EYS: variants seen among roughly 807,000 people sequenced by gnomAD.
EYS encodes protein eyes shut homolog.
Under a neutral mutation model 282.1 loss-of-function variants are expected in EYS, and 250 were observed. That is an observed-to-expected ratio of 0.89 (90% confidence interval 0.80 to 0.98). The LOEUF (loss-of-function observed/expected upper bound fraction) is 0.98. Among genes scored for constraint, EYS ranks in the 50% least tolerant of loss-of-function variants. The pLI, the probability that EYS is intolerant of heterozygous loss-of-function variation, is 0.00. For synonymous variants in EYS, 1,355 were observed against 1,282.9 expected (o/e 1.06, Z -1.20); for missense variants, 4,016 against 3,709.0 (o/e 1.08, Z -2.15).
At chr6:63,919,894 CAT>C (rs780904553) in intron 35 of EYS, among the ~76,000 whole-genome samples, 5 of 152,238 alleles carry the variant, frequency 3.3e-5, no homozygotes, top group South Asian at 4.1e-4. Flanking sequence ...TCCCATGAAA[CAT>C]GTGGTTAATT....
chr6:64,525,404 T>A (rs1777884427), intron 26 of EYS, among the ~76,000 whole-genome samples: 1 of 151,736 alleles, frequency 6.6e-6, no homozygotes, highest in African/African-American at 2.4e-5. Flanking sequence ...CCATTATCCT[T>A]AGCAAACTAA....
chr6:64,606,634 T>C (rs1766946368), intron 24 of EYS, among the ~76,000 whole-genome samples: 1 of 152,082 alleles, frequency 6.6e-6, no homozygotes, highest in Non-Finnish European at 1.5e-5. Flanking sequence ...TTCTGAACAC[T>C]TTCAAGCCTC....
chr6:63,825,059 T>G (rs319916), intron 36 of EYS, among the ~76,000 whole-genome samples: 78,156 of 151,942 alleles, frequency 0.51, 22,063 homozygotes, highest in African/African-American at 0.75. Context: ...GGGCTGTTGT[T>G]GGGGGCATGG....
At chr6:64,757,938 A>G (rs1583122313) in intron 22 of EYS, among the ~76,000 whole-genome samples, 1 of 151,300 alleles carries the variant, frequency 6.6e-6, no homozygotes, top group South Asian at 2.1e-4. Context: ...GCGCCCGCCT[A>G]AGTTTTTTTG....
intron 26 of EYS, among the ~76,000 whole-genome samples, chr6:64,506,085 G>A (rs1777199742): frequency 6.6e-6 from 1 of 152,052 alleles, no homozygotes; most frequent in African/African-American, 2.4e-5. Context: ...CTGTTAGACA[G>A]AAATTATTCT....
In EYS at chr6:65,330,825, A is replaced by G. The variant is rs1769769555; in HGVS notation, c.1766+4155T>C. The stretch of plus-strand genomic sequence containing the variant: ...TTTTACCTTAAACTTTTAGATCCCT[A>G]TACACATTTAGAGTCTACTTCTATA... On this transcript the variant is annotated intron_variant, in intron 11 of 42. Coordinates refer to ENST00000503581, the MANE Select transcript of EYS (RefSeq NM_001142800.2). 9.5e-6 allele frequency: 9 copies of G among 942,856 alleles called. No homozygotes were observed. The South Asian group carries it at 2.5e-4, about 26-fold the overall frequency. 58.4% of individuals were successfully genotyped at this position (942,856 alleles called of 1,614,324 possible).
chr6:65,440,173 A>C (rs1768257252), intron 5 of EYS, among the ~76,000 whole-genome samples: 1 of 152,118 alleles, frequency 6.6e-6, no homozygotes, highest in South Asian at 2.1e-4. Context: ...TTAAAGTTGC[A>C]GTGGCTTTTT....
intron 36 of EYS, among the ~76,000 whole-genome samples, chr6:63,809,203 T>C (rs1770979054): frequency 6.6e-6 from 1 of 152,228 alleles, no homozygotes; most frequent in South Asian, 2.1e-4. Context: ...GCACCCACAC[T>C]GTCTCTATAA....
rs1771982454 is a variant in EYS at position 64,081,867 on chromosome 6, G to C, written c.6560C>G (p.Thr2187Ser). Residue 2187 changes from threonine (T) to serine (S), a missense_variant, in exon 32 of 43, where the codon ACT becomes AGT. By Grantham distance (58) the Thr-to-Ser change is moderately conservative. Coordinates refer to ENST00000503581, the MANE Select transcript of EYS (RefSeq NM_001142800.2). ...LTIKTNSLNG[T>S]ILYSNGNNCG... Reference sequence around the variant, plus strand: ...CATTTAATACTCACTGTAAAGAATAGTTCCATTTAAACTGTTTGTTTTTAT... The same window carrying C: ...CATTTAATACTCACTGTAAAGAATACTTCCATTTAAACTGTTTGTTTTTAT... The C allele has an allele frequency of 6.5e-7, 1 of 1,531,428 alleles. No homozygotes were observed. The highest frequency in any genetic ancestry group is 1.4e-5 in the African/African-American group (1 of 72,578). The allele number at this position is 1,531,428 out of a possible 1,614,324, so 94.9% of individuals were successfully genotyped here. A position where few individuals can be genotyped will look rare whatever the true frequency, so the allele number is the denominator to read the frequency against.
At chr6:64,554,301 A>G (rs992639516) in intron 26 of EYS, among the ~76,000 whole-genome samples, 2 of 152,124 alleles carry the variant, frequency 1.3e-5, no homozygotes, top group Non-Finnish European at 2.9e-5. Context: ...ACTAAAATGT[A>G]TAAAGTGGAA....
chr6:64,774,675 G>A (rs1355602527), intron 22 of EYS, among the ~76,000 whole-genome samples: 2 of 151,884 alleles, frequency 1.3e-5, no homozygotes, highest in Non-Finnish European at 2.9e-5. Context: ...ACATGTGCCT[G>A]CTGCTTAAGT....
intron 12 of EYS, among the ~76,000 whole-genome samples, chr6:65,214,027 C>T (rs1269293464): frequency 1.3e-5 from 2 of 151,454 alleles, no homozygotes; most frequent in East Asian, 2.0e-4. Context: ...GGCATGGTGG[C>T]GGGTGCCTGT....
Position 65,494,892 on chromosome 6 carries a change from G to T in EYS, c.519C>A (p.Phe173Leu). The change falls in exon 4 of 43, where the codon TTC (phenylalanine) becomes TTA (leucine). Residue 173 changes from phenylalanine to leucine, a missense_variant. By Grantham distance (22) the Phe-to-Leu change is conservative. Coordinates refer to ENST00000503581, the MANE Select transcript of EYS (RefSeq NM_001142800.2). ...LRLNVTVKQQFCQESLSSEFC... is the reference protein window; with the variant it reads ...LRLNVTVKQQLCQESLSSEFC... ...ATTCTGAACTCAGAGATTCCTGGCA[G>T]AACTGCTGTTTCACTGTCACATTTA... 6.2e-7 allele frequency: 1 copy of T among 1,614,024 alleles called. No homozygotes were observed. The highest frequency in any genetic ancestry group is 8.5e-7 in the Non-Finnish European group (1 of 1,179,924).
At chr6:63,966,023 G>T (rs1250853839) in intron 35 of EYS, among the ~76,000 whole-genome samples, 2 of 152,064 alleles carry the variant, frequency 1.3e-5, no homozygotes, top group African/African-American at 4.8e-5. Context: ...ATAACATAGG[G>T]GTTGCAATGT....
chr6:64,041,256 T>C (rs1274133695), intron 33 of EYS, among the ~76,000 whole-genome samples: 2 of 151,980 alleles, frequency 1.3e-5, no homozygotes, highest in African/African-American at 4.8e-5. Flanking sequence ...GTGGTGTGTA[T>C]AGTGTGTATG....
chr6:64,728,549 A>G (rs988742458), intron 22 of EYS, among the ~76,000 whole-genome samples: 1 of 151,926 alleles, frequency 6.6e-6, no homozygotes, highest in Non-Finnish European at 1.5e-5. Context: ...ATTATCCAGG[A>G]TGGTCTCTAT....
chr6:64,955,305 C>T (rs906544709), intron 14 of EYS, among the ~76,000 whole-genome samples: 11 of 151,454 alleles, frequency 7.3e-5, no homozygotes, highest in Admixed American at 5.9e-4. Flanking sequence ...ATATACGACA[C>T]TGATGAAGGA....
chr6:65,269,076 A>AT (rs1767831900), intron 12 of EYS, among the ~76,000 whole-genome samples: 1 of 152,096 alleles, frequency 6.6e-6, no homozygotes, highest in Admixed American at 6.6e-5. Flanking sequence ...CACCCTGATC[A>AT]TTTTTTCTTG....
chr6:64,675,957 A>G (rs1393232438), intron 22 of EYS, among the ~76,000 whole-genome samples: 1 of 150,258 alleles, frequency 6.7e-6, no homozygotes, highest in African/African-American at 2.4e-5. Context: ...AGATATATCT[A>G]TCGATATATC....
Sources: allele counts gnomAD v4.1 joint callset (sites outside exome capture counted in the v4.1 genomes callset), GRCh38; gene constraint gnomAD v4.1.1; transcripts MANE v1.5; gene names NCBI Gene and HGNC (gene_info 2026-07-23, HGNC 2026-07-21).